The following ATAD2B variants were observed in gnomAD, a reference collection of about 807,000 sequenced individuals.
ATAD2B encodes the protein ATPase family AAA domain containing 2B.
In ATAD2B, 40 loss-of-function variants were observed where a neutral mutation model predicts 167.6. The observed-to-expected ratio is 0.24, with a 90% CI of 0.19 to 0.31. ATAD2B has a LOEUF of 0.31. Ranked by LOEUF, ATAD2B falls within the 10% of genes least tolerant of loss-of-function variation. The probability of loss-of-function intolerance (pLI) is 1.00; values close to 1 mark genes in which losing one functional copy is unlikely to be tolerated. For missense variants in ATAD2B, 1,242 were observed against 1,757.2 expected (o/e 0.71, Z 5.24); for synonymous variants, 579 against 596.5 (o/e 0.97, Z 0.43).
chr2:23,854,217 C>A (rs776970280), intron 13 of ATAD2B, among the ~76,000 whole-genome samples: 6 of 151,936 alleles, frequency 3.9e-5, no homozygotes, highest in Non-Finnish European at 8.8e-5. Context: ...TGCACTCCAG[C>A]CTGGGCAACA....
At chr2:23,909,620 T>C (rs1171578558) in intron 1 of ATAD2B, among the ~76,000 whole-genome samples, 1 of 152,024 alleles carries the variant, frequency 6.6e-6, no homozygotes, top group Non-Finnish European at 1.5e-5. Flanking sequence ...CAGAAGGATG[T>C]ACAGCAGCTT....
intron 17 of ATAD2B, among the ~76,000 whole-genome samples, chr2:23,817,347 A>G (rs958853507): frequency 6.6e-6 from 1 of 152,222 alleles, no homozygotes; most frequent in African/African-American, 2.4e-5. Flanking sequence ...CAAATGCAAT[A>G]TGATTGTTAA....
At chr2:23,744,045 T>C (rs1048867511), downstream of ATAD2B, among the ~76,000 whole-genome samples, 4 of 152,172 alleles carry the variant, frequency 2.6e-5, no homozygotes, top group Admixed American at 2.0e-4. Context: ...AATTTTTACA[T>C]AGACACAATA....
At chr2:23,826,087 G>A (rs1558610838) in intron 15 of ATAD2B, among the ~76,000 whole-genome samples, 1 of 151,898 alleles carries the variant, frequency 6.6e-6, no homozygotes, top group Non-Finnish European at 1.5e-5. Flanking sequence ...AATAAACACT[G>A]AAACTGAAAC....
At chr2:23,834,352 G>A (rs548165506) in intron 13 of ATAD2B, among the ~76,000 whole-genome samples, 185 of 151,728 alleles carry the variant, frequency 1.2e-3, no homozygotes, top group African/African-American at 4.3e-3. Context: ...AGTAGAGATG[G>A]GGTTTCGCTA....
chr2:23,895,451 T>C (rs1044285691), intron 2 of ATAD2B, among the ~76,000 whole-genome samples: 7 of 152,098 alleles, frequency 4.6e-5, no homozygotes, highest in Non-Finnish European at 1.0e-4. Context: ...TGTCATTATA[T>C]CTTAGTATAT....
At chr2:23,890,252 CA>C (rs200303167) in intron 2 of ATAD2B, among the ~76,000 whole-genome samples, 5 of 151,154 alleles carry the variant, frequency 3.3e-5, no homozygotes, top group Admixed American at 6.6e-5. Context: ...AAAAACAAAA[CA>C]AAAAAAACCC....
rs1246457409 is a variant in ATAD2B at position 23,804,498 on chromosome 2, A to G, written c.2454+5818T>C. 5.9e-5 allele frequency among the ~76,000 whole-genome samples: 9 copies of G among 152,150 alleles called. No individual in the cohort carries two copies. In the East Asian group the frequency reaches 1.7e-3, roughly 29 times the overall value. On this transcript the variant is annotated intron_variant, in intron 18 of 27. Coordinates refer to ENST00000238789, the MANE Select transcript of ATAD2B (RefSeq NM_017552.4). ...GCCTTAATGTACTAGAGAAAGTGAA[A>G]TACAACCAAAATGATAGTGAGTTTT...
chr2:23,718,239 T>C, the ATAD2B span, among the ~76,000 whole-genome samples: 1 of 152,184 alleles, frequency 6.6e-6, no homozygotes, highest in Non-Finnish European at 1.5e-5. Context: ...GTTTATTCTC[T>C]AGGGCAGCCA....
the ATAD2B span, chr2:23,708,166 C>A: frequency 6.6e-6 from 1 of 152,072 alleles, no homozygotes; most frequent in African/African-American, 2.4e-5. Context: ...CCAGTTCTAA[C>A]GTTGGGCATC....
intron 15 of ATAD2B, among the ~76,000 whole-genome samples, chr2:23,828,278 G>A (rs1467354000): frequency 2.6e-5 from 4 of 152,126 alleles, no homozygotes; most frequent in African/African-American, 4.8e-5. Flanking sequence ...CCACATCCTA[G>A]AAGGACAGTA....
intron 1 of ATAD2B, among the ~76,000 whole-genome samples, chr2:23,906,759 C>T (rs533481189): frequency 2.6e-5 from 4 of 151,964 alleles, no homozygotes; most frequent in Admixed American, 1.3e-4. Context: ...CATCAAAAAG[C>T]TTATCCACCA....
chr2:23,701,537 A>C, the ATAD2B span, among the ~76,000 whole-genome samples: 1 of 151,942 alleles, frequency 6.6e-6, no homozygotes, highest in Admixed American at 6.6e-5. Flanking sequence ...ACATAGGGAG[A>C]CCTCATCTCT....
At chr2:23,778,129 A>G (rs1679445654) in intron 22 of ATAD2B, among the ~76,000 whole-genome samples, 1 of 131,274 alleles carries the variant, frequency 7.6e-6, no homozygotes, top group African/African-American at 3.2e-5. Flanking sequence ...TGTTGCTAAG[A>G]AAAAAAAAAG....
At chr2:23,760,731 T>TACACACACACACACACAC (rs1558494284) in intron 24 of ATAD2B, among the ~76,000 whole-genome samples, 6 of 81,712 alleles carry the variant, frequency 7.3e-5, no homozygotes, top group Non-Finnish European at 1.4e-4. Flanking sequence ...CACACACACA[T>TACACACACACACACACAC]ATACACACAC....
chr2:23,893,667 C>CTTTTTT (rs745557044), intron 2 of ATAD2B, among the ~76,000 whole-genome samples: 1 of 119,430 alleles, frequency 8.4e-6, no homozygotes, highest in Admixed American at 8.8e-5. Context: ...AAAAAAAAAA[C>CTTTTTT]TTTTTTTTTT....
intron 22 of ATAD2B, among the ~76,000 whole-genome samples, chr2:23,781,558 G>A (rs920422655): frequency 1.3e-5 from 2 of 151,734 alleles, no homozygotes; most frequent in Non-Finnish European, 2.9e-5. Flanking sequence ...CCAGCTACTC[G>A]GGAGGCTGAG....
intron 9 of ATAD2B, among the ~76,000 whole-genome samples, chr2:23,868,435 G>C (rs1250395468): frequency 6.6e-6 from 1 of 152,076 alleles, no homozygotes; most frequent in African/African-American, 2.4e-5. Flanking sequence ...CAAATAGCTG[G>C]AACTACAGGC....
rs368227788 is a variant in ATAD2B at position 23,847,909 on chromosome 2, C to A, written c.1568+9506G>T. On this transcript the variant is annotated intron_variant, in intron 13 of 27. Transcript: ENST00000238789. ...TCGGGAGGCTGAGGCAGGAGAATCG[C>A]TTGAACCCAGGAGGCGGAGGTTGCA... Among the ~76,000 whole-genome samples, 66 of 150,288 alleles carry A rather than the reference C, an allele frequency of 4.4e-4. No individual in the cohort carries two copies. The South Asian group carries it at 0.014, about 31-fold the overall frequency.
Sources: allele counts gnomAD v4.1 joint callset (sites outside exome capture counted in the v4.1 genomes callset), GRCh38; gene constraint gnomAD v4.1.1; transcripts MANE v1.5; gene names NCBI Gene and HGNC (gene_info 2026-07-23, HGNC 2026-07-21).